TMEM51: variants seen among roughly 807,000 people sequenced by gnomAD.
TMEM51 encodes transmembrane protein 51, also known as chromosome 1 open reading frame 72.
TMEM51 carries 8 observed loss-of-function variants against 13.6 expected under a neutral mutation model. That is an observed-to-expected ratio of 0.59 (90% CI 0.35 to 1.07). The LOEUF (loss-of-function observed/expected upper bound fraction) is 1.07. Among genes scored for constraint, TMEM51 ranks in the 50% least tolerant of loss-of-function variants. TMEM51 has a pLI of 0.02. For missense variants in TMEM51, 279 were observed against 330.7 expected, an observed-to-expected ratio of 0.84 and a Z score of 1.21; for synonymous variants, 147 against 144.4, an observed-to-expected ratio of 1.02 and a Z score of -0.13.
chr1:15,191,651 A>G (rs573775308), intron 1 of TMEM51, among the ~76,000 whole-genome samples: 1 of 152,052 alleles, frequency 6.6e-6, no homozygotes, highest in South Asian at 2.1e-4. Context: ...GATGACTGCT[A>G]TTTTCTCTTC....
At chr1:15,211,922 T>C (rs549326011) in intron 2 of TMEM51, among the ~76,000 whole-genome samples, 102 of 150,400 alleles carry the variant, frequency 6.8e-4, no homozygotes, top group African/African-American at 2.3e-3. Flanking sequence ...CTTTTTCCCA[T>C]ATATTCATCT....
intron 3 of TMEM51, 43 bp downstream of exon 3, chr1:15,215,474 G>A (rs911405546): frequency 2.0e-6 from 3 of 1,498,442 alleles, no homozygotes; most frequent in Admixed American, 3.9e-5. Flanking sequence ...TCGGGGATGG[G>A]CACGCACGCA....
intron 1 of TMEM51, among the ~76,000 whole-genome samples, chr1:15,205,561 C>T (rs377697711): frequency 6.6e-6 from 1 of 152,190 alleles, no homozygotes. Flanking sequence ...TCTTCAGACA[C>T]GCTCCATTTT....
rs1448912394 is a variant in TMEM51, at chr1:15,161,313, C to T, written c.-267+7359C>T. 6.6e-6 allele frequency among the ~76,000 whole-genome samples: 1 copy of T among 151,740 alleles called. No individual in the cohort carries two copies. Among genetic ancestry groups the T allele is most frequent in the Non-Finnish European group, 1.5e-5 (1 of 68,002 alleles). On this transcript the variant is annotated intron_variant, in intron 1 of 3. Transcript: ENST00000376008. The surrounding 1 kb of genome is among the most constrained non-coding windows in gnomAD (Gnocchi z 4.0). ...CTTGAGGTCAGGAGTTCACGACTAG[C>T]CTGGCCAACATGGTGAAACCCCATC...
chr1:15,198,069 G>C (rs893734457), intron 1 of TMEM51, among the ~76,000 whole-genome samples: 1 of 152,194 alleles, frequency 6.6e-6, no homozygotes, highest in South Asian at 2.1e-4. Context: ...TGATCCTCAG[G>C]GACCTAGGCT....
chr1:15,212,958 C>T (rs1051501789), intron 2 of TMEM51, among the ~76,000 whole-genome samples: 3 of 152,258 alleles, frequency 2.0e-5, no homozygotes, highest in Non-Finnish European at 4.4e-5. Flanking sequence ...CGTTCACGCA[C>T]GTGCACATAC....
At position 15,164,765 on chromosome 1, in the gene TMEM51, G is replaced by A. The variant is rs201888216; in HGVS notation, c.-267+10811G>A. ...CAACACAGAACAGACAAAGAGTTGT[G>A]TTCTGAATCCATGCGGGAGCTTTGC... On this transcript the variant is annotated intron_variant, in intron 1 of 3. Transcript: ENST00000376008. 9.8e-5 allele frequency among the ~76,000 whole-genome samples: 14 copies of A among 143,578 alleles called. No homozygotes were observed. In the East Asian group the frequency reaches 2.7e-3, roughly 27 times the overall value. The allele number at this position is 143,578 out of a possible 152,430, so 94.2% of individuals were successfully genotyped here.
chr1:15,155,427 T>A (rs1425111697), intron 1 of TMEM51, among the ~76,000 whole-genome samples: 1 of 152,210 alleles, frequency 6.6e-6, no homozygotes, highest in Non-Finnish European at 1.5e-5. Flanking sequence ...AATGGGATGA[T>A]GATCTCCAAG....
At chr1:15,171,112 GCCACAT>G in intron 1 of TMEM51, 21 of 404,692 alleles carry the variant, frequency 5.2e-5, no homozygotes, top group Non-Finnish European at 7.2e-5. Flanking sequence ...TCCACCCCCC[GCCACAT>G]CCCCCACCCC....
intron 1 of TMEM51, among the ~76,000 whole-genome samples, chr1:15,194,917 C>CTTTTTTTT (rs34885407): frequency 3.2e-5 from 3 of 93,484 alleles, no homozygotes; most frequent in Non-Finnish European, 6.1e-5. Context: ...TATAATTTTA[C>CTTTTTTTT]TTTTTTTTTT....
rs1014824733 is a variant in TMEM51 at position 15,168,871 on chromosome 1, T to C, written c.-267+14917T>C. On this transcript the variant is annotated intron_variant, in intron 1 of 3. Coordinates refer to ENST00000376008, the MANE Select transcript of TMEM51 (RefSeq NM_001136218.2). ...AGTTACAGATATTTGGGGACTACCCTTATTAGAGTCAATATCTGGAGTTGG... is the reference window on the plus strand; with the variant it reads ...AGTTACAGATATTTGGGGACTACCCCTATTAGAGTCAATATCTGGAGTTGG... 10 of 1,194,530 alleles carry C rather than the reference T, an allele frequency of 8.4e-6. No individual in the cohort carries two copies. In the African/African-American group the frequency reaches 1.4e-4, roughly 17 times the overall value. The allele number at this position is 1,194,530 out of a possible 1,614,324, so 74.0% of individuals were successfully genotyped here.
At chr1:15,201,334 T>C (rs1009008997) in intron 1 of TMEM51, among the ~76,000 whole-genome samples, 1 of 151,254 alleles carries the variant, frequency 6.6e-6, no homozygotes, top group South Asian at 2.1e-4. Context: ...ATTAAAATTT[T>C]ATAAATAAAA....
chr1:15,161,665 G>A lies in TMEM51; in HGVS notation c.-267+7711G>A, dbSNP rs1573370881. On this transcript the variant is annotated intron_variant, in intron 1 of 3. Transcript: ENST00000376008. The surrounding 1 kb of genome is among the most constrained non-coding windows in gnomAD (Gnocchi z 4.0). Reference sequence around the variant, plus strand: ...AAGAAAAGAGATTTATTGGCCGGGCGCAGTGGCTCACGCCGGTAATCCCAG... The same window carrying A: ...AAGAAAAGAGATTTATTGGCCGGGCACAGTGGCTCACGCCGGTAATCCCAG... Among the ~76,000 whole-genome samples, 1 of 151,670 alleles carries A rather than the reference G, an allele frequency of 6.6e-6. No individual in the cohort carries two copies. Among genetic ancestry groups the A allele is most frequent in the Non-Finnish European group, 1.5e-5 (1 of 67,962 alleles).
At chr1:15,201,980 G>A (rs1295482486) in intron 1 of TMEM51, among the ~76,000 whole-genome samples, 1 of 152,152 alleles carries the variant, frequency 6.6e-6, no homozygotes, top group Non-Finnish European at 1.5e-5. Context: ...CTCATATAAT[G>A]AGTACTTAAA....
At chr1:15,190,568 T>C (rs1344319240) in intron 1 of TMEM51, among the ~76,000 whole-genome samples, 1 of 152,096 alleles carries the variant, frequency 6.6e-6, no homozygotes, top group Non-Finnish European at 1.5e-5. Flanking sequence ...CCTGTGGCCC[T>C]TGTGGTAGGC....
intron 1 of TMEM51, among the ~76,000 whole-genome samples, chr1:15,163,043 G>T (rs1363590579): frequency 2.0e-5 from 3 of 151,986 alleles, no homozygotes; most frequent in Admixed American, 2.0e-4. Flanking sequence ...ACACTAAAAA[G>T]TTGGTGGGTG....
intron 1 of TMEM51, among the ~76,000 whole-genome samples, chr1:15,203,328 A>C (rs1456187200): frequency 2.6e-5 from 4 of 151,890 alleles, no homozygotes; most frequent in Non-Finnish European, 4.4e-5. Context: ...ATCTCGGCTC[A>C]CTTGCAACCT....
chr1:15,216,489 C>T (rs1644435036), intron 3 of TMEM51, among the ~76,000 whole-genome samples: 1 of 152,060 alleles, frequency 6.6e-6, no homozygotes, highest in African/African-American at 2.4e-5. Flanking sequence ...TCAAGATAGA[C>T]AGCCCCTACT....
At chr1:15,191,928 T>C in intron 1 of TMEM51, 2 of 531,328 alleles carry the variant, frequency 3.8e-6, no homozygotes, top group Non-Finnish European at 7.7e-6. Flanking sequence ...CCAGAAGTTG[T>C]AGGCGTCTAT....
Sources: gnomAD v4.1 joint callset for allele counts (sites outside exome capture counted in the v4.1 genomes callset) on GRCh38, gnomAD v4.1.1 for gene constraint, Gnocchi (gnomAD v3.1) non-coding constraint, MANE v1.5 for transcripts, NCBI Gene and HGNC (gene_info 2026-07-23, HGNC 2026-07-21) for gene names.